The following DNM3 variants were observed in gnomAD, a reference collection of about 807,000 sequenced individuals.
The protein encoded by DNM3 is dynamin 3, also known as dynamin-3.
In DNM3, 47 loss-of-function variants were observed where a neutral mutation model predicts 101.6. The ratio of observed to expected loss-of-function variants is 0.46; its 90% CI spans 0.37 to 0.59. DNM3 has a LOEUF of 0.59. Among genes scored for constraint, DNM3 ranks in the 20% least tolerant of loss-of-function variants. DNM3 has a pLI of 0.00. For synonymous variants in DNM3, 385 were observed against 387.9 expected (o/e 0.99, Z 0.09); for missense variants, 849 against 1,085.7 (o/e 0.78, Z 3.06).
At chr1:172,215,634 A>G (rs1168553242) in intron 14 of DNM3, among the ~76,000 whole-genome samples, 1 of 152,122 alleles carries the variant, frequency 6.6e-6, no homozygotes, top group African/African-American at 2.4e-5. Context: ...AGATAAAAAA[A>G]TGAGAGGAAT....
At chr1:172,135,323 G>A (rs575987727) in intron 14 of DNM3, among the ~76,000 whole-genome samples, 15 of 152,130 alleles carry the variant, frequency 9.9e-5, no homozygotes, top group African/African-American at 3.4e-4. Flanking sequence ...GAATGAAGGT[G>A]TCATTGAGCA....
At chr1:171,993,498 C>CT (rs145178902) in intron 4 of DNM3, among the ~76,000 whole-genome samples, 3,295 of 128,612 alleles carry the variant, frequency 0.026, 182 homozygotes, top group African/African-American at 0.078. Context: ...TTTCAAGATT[C>CT]TTTTTTTTTT....
chr1:172,328,284 C>T (rs1286178176), intron 17 of DNM3, among the ~76,000 whole-genome samples: 1 of 152,102 alleles, frequency 6.6e-6, no homozygotes, highest in Non-Finnish European at 1.5e-5. Flanking sequence ...ATGTACACAT[C>T]CCAATATTGT....
chr1:172,362,770 C>A (rs1003200655), intron 17 of DNM3, among the ~76,000 whole-genome samples: 2 of 151,528 alleles, frequency 1.3e-5, no homozygotes, highest in South Asian at 2.1e-4. Flanking sequence ...TTCTGGCCCC[C>A]CTTTAATCCT....
chr1:171,972,130 A>G (rs1246985350), intron 2 of DNM3, among the ~76,000 whole-genome samples: 4 of 152,250 alleles, frequency 2.6e-5, no homozygotes, highest in Non-Finnish European at 4.4e-5. Context: ...ATGTTAAATC[A>G]AAGATGTAGA....
At chr1:172,160,062 TA>T (rs61338593) in intron 14 of DNM3, among the ~76,000 whole-genome samples, 13,000 of 110,340 alleles carry the variant, frequency 0.12, 721 homozygotes, top group African/African-American at 0.2. Context: ...GCATAAAAGA[TA>T]AAAAAAAAAA....
intron 1 of DNM3, among the ~76,000 whole-genome samples, chr1:171,856,741 A>C (rs112578804): frequency 5.9e-5 from 9 of 152,246 alleles, no homozygotes; most frequent in African/African-American, 2.2e-4. Flanking sequence ...TGAAACCTTG[A>C]TGAAGTTGTT....
At chr1:172,283,780 A>AAAAGAAAAAAAAAAAAAAAAAACAGAAAG (rs2063588675) in intron 15 of DNM3, among the ~76,000 whole-genome samples, 1 of 119,090 alleles carries the variant, frequency 8.4e-6, no homozygotes, top group South Asian at 2.8e-4. Context: ...AAAAAAAAAA[A>AAAAGAAAAAAAAAAAAAAAAAACAGAAAG]AAAGAAAGAA....
chr1:172,413,259 C>T (rs1167601889), downstream of DNM3, among the ~76,000 whole-genome samples: 1 of 152,142 alleles, frequency 6.6e-6, no homozygotes, highest in African/African-American at 2.4e-5. Context: ...GACGGAGTTT[C>T]GCTCTTGCCC....
intron 20 of DNM3, among the ~76,000 whole-genome samples, chr1:172,396,452 GA>G (rs1230527503): frequency 1.3e-5 from 2 of 152,214 alleles, no homozygotes; most frequent in Non-Finnish European, 2.9e-5. Context: ...AAGTTGATAT[GA>G]AATTTAGAAA....
intron 2 of DNM3, 113 bp from the exon 3 acceptor site, chr1:171,987,543 A>G: frequency 1.7e-6 from 2 of 1,143,484 alleles, no homozygotes; most frequent in Non-Finnish European, 2.4e-6. Context: ...TGGGATGTTC[A>G]TGAAGGAAGA....
intron 4 of DNM3, among the ~76,000 whole-genome samples, chr1:171,990,591 T>C (rs2125627242): frequency 6.6e-6 from 1 of 152,212 alleles, no homozygotes. Flanking sequence ...TCTTCTGGAG[T>C]CCAGAGTCCC....
chr1:172,395,723 C>T lies in DNM3; in HGVS notation c.2522+6914C>T, dbSNP rs535000891. Among the ~76,000 whole-genome samples the T allele has an allele frequency of 4.6e-5, 7 of 152,274 alleles. No homozygotes were observed. The South Asian group carries it at 1.2e-3, about 27-fold the overall frequency. On this transcript the variant is annotated intron_variant, in intron 20 of 20. Transcript: ENST00000627582. ...ATTGAAATCCTTTAGCTTACCATTG[C>T]CAATGTATTGTAAGTGTTGTCGGGG...
At chr1:171,860,888 A>C (rs2034105387) in intron 1 of DNM3, among the ~76,000 whole-genome samples, 1 of 152,088 alleles carries the variant, frequency 6.6e-6, no homozygotes. Flanking sequence ...TAGTGGGAAG[A>C]CTGAGAAAAA....
chr1:172,279,019 A>T (rs1042591229), intron 15 of DNM3, among the ~76,000 whole-genome samples: 1 of 152,080 alleles, frequency 6.6e-6, no homozygotes, highest in Non-Finnish European at 1.5e-5. Flanking sequence ...ATCTTGCCAG[A>T]CTGTATGTCA....
intron 14 of DNM3, among the ~76,000 whole-genome samples, chr1:172,183,120 G>C (rs1447778331): frequency 2.6e-5 from 4 of 152,086 alleles, no homozygotes; most frequent in Admixed American, 2.6e-4. Flanking sequence ...TGGCCATAGA[G>C]AGGGAAAGGG....
intron 14 of DNM3, among the ~76,000 whole-genome samples, chr1:172,243,762 T>A (rs2061835741): frequency 6.6e-6 from 1 of 152,180 alleles, no homozygotes; most frequent in African/African-American, 2.4e-5. Flanking sequence ...TCTTTACTAT[T>A]CAAAATATAA....
intron 17 of DNM3, among the ~76,000 whole-genome samples, chr1:172,365,351 C>T (rs185655376): frequency 6.6e-5 from 10 of 151,876 alleles, no homozygotes; most frequent in Admixed American, 3.9e-4. Context: ...AGTTGAGTAA[C>T]GAGAGATTAA....
chr1:172,221,496 G>A (rs983170532), intron 14 of DNM3, among the ~76,000 whole-genome samples: 1 of 152,104 alleles, frequency 6.6e-6, no homozygotes, highest in African/African-American at 2.4e-5. Flanking sequence ...AATCCACAGG[G>A]AAGAGATGGG....
Sources: gnomAD v4.1 joint callset for allele counts (sites outside exome capture counted in the v4.1 genomes callset) on GRCh38, gnomAD v4.1.1 for gene constraint, MANE v1.5 for transcripts, NCBI Gene and HGNC (gene_info 2026-07-23, HGNC 2026-07-21) for gene names.